NF1: variants seen among roughly 807,000 people sequenced by gnomAD.
NF1 encodes neurofibromin.
A neutral mutation model predicts 325.7 loss-of-function variants in NF1; 122 were observed. That is an observed-to-expected ratio of 0.37 (90% CI 0.32 to 0.44). NF1 has a LOEUF of 0.44. Ranked by LOEUF, NF1 falls within the 20% of genes least tolerant of loss-of-function variation. The pLI is 1.00. For synonymous variants in NF1, 1,091 were observed against 1,186.0 expected, an observed-to-expected ratio of 0.92 and a Z score of 1.65; for missense variants, 2,140 against 3,415.4, an observed-to-expected ratio of 0.63 and a Z score of 9.31.
At chr17:31,248,028 C>T (rs1042788953) in intron 29 of NF1, among the ~76,000 whole-genome samples, 1 of 151,400 alleles carries the variant, frequency 6.6e-6, no homozygotes, top group African/African-American at 2.4e-5. Context: ...CATGGTGAAA[C>T]CCTGTCTCTA....
intron 27 of NF1, among the ~76,000 whole-genome samples, chr17:31,234,326 T>A (rs1345560168): frequency 6.6e-6 from 1 of 152,184 alleles, no homozygotes; most frequent in African/African-American, 2.4e-5. Flanking sequence ...TTCTGAATTA[T>A]CTTATTAGCA....
chr17:31,262,853 A>G (rs1332378799), intron 35 of NF1, among the ~76,000 whole-genome samples: 3 of 152,144 alleles, frequency 2.0e-5, no homozygotes, highest in Admixed American at 6.6e-5. Context: ...GACTATTCAC[A>G]TTACCTAATT....
chr17:31,352,604 A>C (rs1348869813), intron 51 of NF1, among the ~76,000 whole-genome samples, 190 bp downstream of exon 51: 1 of 152,172 alleles, frequency 6.6e-6, no homozygotes, highest in Non-Finnish European at 1.5e-5. Context: ...AGAAATGAGA[A>C]TGGGACCTTG....
At chr17:31,294,714 G>A (rs1272955502) in intron 36 of NF1, 1 of 429,834 alleles carries the variant, frequency 2.3e-6, no homozygotes, top group Non-Finnish European at 4.3e-6. Flanking sequence ...ACATATTAAA[G>A]TTTAGATGCT....
chr17:31,194,469 T>TA (rs1344654367), intron 8 of NF1, among the ~76,000 whole-genome samples: 1 of 152,104 alleles, frequency 6.6e-6, no homozygotes, highest in Non-Finnish European at 1.5e-5. Context: ...TAGTGTTGTA[T>TA]ACCACTGTAA....
chr17:31,105,871 A>C (rs960829284), intron 1 of NF1, among the ~76,000 whole-genome samples: 1 of 152,072 alleles, frequency 6.6e-6, no homozygotes, highest in African/African-American at 2.4e-5. Flanking sequence ...CCCGTGTCCC[A>C]CCCCCACCAG....
chr17:31,258,266 T>G, intron 31 of NF1, 78 bp from the exon 32 acceptor site: 1 of 1,512,070 alleles, frequency 6.6e-7, no homozygotes. Context: ...TATGCAAAGT[T>G]TGACCTTTGA....
chr17:31,130,376 G>A (rs1008354896), intron 1 of NF1, among the ~76,000 whole-genome samples: 4 of 152,320 alleles, frequency 2.6e-5, no homozygotes, highest in African/African-American at 9.6e-5. Flanking sequence ...ATTCTTGTTC[G>A]CATGTGCCAG....
intron 1 of NF1, among the ~76,000 whole-genome samples, chr17:31,149,276 G>A (rs1430000251): frequency 1.3e-5 from 2 of 148,362 alleles, no homozygotes; most frequent in Admixed American, 6.7e-5. Context: ...TTATATACAT[G>A]TACACACACA....
chr17:31,116,308 T>C (rs541678726), intron 1 of NF1, among the ~76,000 whole-genome samples: 4 of 152,242 alleles, frequency 2.6e-5, no homozygotes, highest in Admixed American at 2.6e-4. Context: ...TTAATAGAGA[T>C]AGGATGAATT....
rs199878086 is a variant in NF1, at chr17:31,374,114, G to T, written c.8479G>T (p.Ala2827Ser). The T allele has an allele frequency of 1.5e-5, 25 of 1,614,072 alleles. No individual in the cohort carries two copies. The highest frequency in any genetic ancestry group is 2.0e-5 in the Non-Finnish European group (24 of 1,179,962). Residue 2827 changes from alanine (A) to serine (S), a missense_variant, in exon 58 of 58, where the codon GCT becomes TCT. Physicochemically the swap from Ala to Ser is moderately conservative, Grantham distance 99. This residue lies in a region of NF1 where 522 missense variants were observed against 749.0 expected (regional missense o/e 0.70). Transcript: ENST00000358273. ...AAGCCAAGTGCAGAAGCAAAGAAGC[G>T]CTGGCAGTTTCAAACGTAATAGCAT... Reference protein sequence around the residue: ...SASQVQKQRSAGSFKRNSIKK... With the variant: ...SASQVQKQRSSGSFKRNSIKK...
chr17:31,099,769 C>T (rs1192758807), intron 1 of NF1, among the ~76,000 whole-genome samples: 1 of 151,848 alleles, frequency 6.6e-6, no homozygotes, highest in Admixed American at 6.6e-5. Flanking sequence ...CCGTGTTGGC[C>T]AGGCTGGTCT....
At position 31,181,711 on chromosome 17, in the gene NF1, C is replaced by G. The variant is rs1160353919; in HGVS notation, c.656C>G (p.Ala219Gly). 5 of 1,604,094 alleles carry G rather than the reference C, an allele frequency of 3.1e-6. No homozygotes were observed. The highest frequency in any genetic ancestry group is 4.3e-6 in the Non-Finnish European group (5 of 1,171,444). Residue 219 changes from alanine (A) to glycine (G), a missense_variant and splice_region_variant, in exon 7 of 58, where the codon GCA becomes GGA. This residue lies in a region of NF1 where 246 missense variants were observed against 347.8 expected (regional missense o/e 0.71). Transcript: ENST00000358273. ...QLAVINSLEK[A>G]FWNWVENYPD... is the part of the protein sequence containing the mutation. Reference sequence around the variant, plus strand: ...AGACATGTGGTTCTTTATTTATAGGCATTTTGGAACTGGGTAGAAAATTAT... The same window carrying G: ...AGACATGTGGTTCTTTATTTATAGGGATTTTGGAACTGGGTAGAAAATTAT...
intron 36 of NF1, chr17:31,305,405 G>A: frequency 6.2e-7 from 1 of 1,614,192 alleles, no homozygotes; most frequent in Non-Finnish European, 8.5e-7. Context: ...GATATTGATT[G>A]TCCAGAAAAA....
chr17:31,373,132 AAAG>A (rs2070676801), intron 57 of NF1, among the ~76,000 whole-genome samples: 1 of 152,238 alleles, frequency 6.6e-6, no homozygotes, highest in South Asian at 2.1e-4. Flanking sequence ...GCATAGCTGA[AAAG>A]AAGCAAAGAT....
At chr17:31,300,665 C>CT (rs2151504453) in intron 36 of NF1, among the ~76,000 whole-genome samples, 1 of 152,162 alleles carries the variant, frequency 6.6e-6, no homozygotes, top group South Asian at 2.1e-4. Context: ...AAAAAGATTC[C>CT]TAGAAGTAGG....
Position 31,376,714 on chromosome 17 carries a change from A to C in NF1, c.*2559A>C, listed in dbSNP as rs552864258. The C allele has an allele frequency of 1.1e-3, 268 of 233,198 alleles. No homozygotes were observed. The highest frequency in any genetic ancestry group is 5.7e-3 in the African/African-American group (261 of 45,462). 14.4% of individuals were successfully genotyped at this position (233,198 alleles called of 1,614,324 possible). A position where few individuals can be genotyped will look rare whatever the true frequency, so the allele number is the denominator to read the frequency against. On this transcript the variant is annotated 3_prime_UTR_variant, in exon 58 of 58. Coordinates refer to ENST00000358273, the MANE Select transcript of NF1 (RefSeq NM_001042492.3). Reference sequence around the variant, plus strand: ...CATAAGTTCTGTTAAAAATATTATAAGTAATTCGTTTCGGTTTGTAGATGT... The same window carrying C: ...CATAAGTTCTGTTAAAAATATTATACGTAATTCGTTTCGGTTTGTAGATGT...
In NF1 at chr17:31,356,984, A is replaced by G. The variant is rs775450260; in HGVS notation, c.7763A>G (p.Gln2588Arg). ...EMETQRISSS[Q>R]QHPHLRKVSV... The stretch of plus-strand genomic sequence containing the variant: ...GAAACTCAGAGGATTTCCTCATCAC[A>G]ACAGCACCCACATTTACGTAAAGTT... The change falls in exon 53 of 58, where the codon CAA becomes CGA. Residue 2588 changes from glutamine (Q) to arginine (R), a missense_variant. Physicochemically the swap from Gln to Arg is conservative, Grantham distance 43. Transcript: ENST00000358273. 7 of 1,613,804 alleles carry G rather than the reference A, an allele frequency of 4.3e-6. No homozygotes were observed. The South Asian group carries it at 7.7e-5, about 18-fold the overall frequency.
intron 27 of NF1, among the ~76,000 whole-genome samples, chr17:31,233,866 C>G (rs899781715): frequency 3.3e-5 from 5 of 152,154 alleles, no homozygotes; most frequent in African/African-American, 7.2e-5. Flanking sequence ...TGTTAACAAG[C>G]CTGTATTTGT....
Sources: allele counts gnomAD v4.1 joint callset (sites outside exome capture counted in the v4.1 genomes callset), GRCh38; gene constraint gnomAD v4.1.1; regional missense constraint gnomAD v4.1.1; transcripts MANE v1.5; gene names NCBI Gene and HGNC (gene_info 2026-07-23, HGNC 2026-07-21).